The following SYT9 variants were observed in gnomAD, a reference collection of about 807,000 sequenced individuals.
SYT9 encodes the protein synaptotagmin 9.
A neutral mutation model predicts 48.4 loss-of-function variants in SYT9; 22 were observed. The ratio of observed to expected loss-of-function variants is 0.45; its 90% CI spans 0.32 to 0.65. The LOEUF is 0.65. Ranked by LOEUF, SYT9 falls within the 30% of genes least tolerant of loss-of-function variation. SYT9 has a pLI of 0.03. For missense variants in SYT9, 577 were observed against 622.0 expected (o/e 0.93, Z 0.77); for synonymous variants, 265 against 245.0 (o/e 1.08, Z -0.76).
At chr11:7,378,549 T>A (rs1356050731) in intron 3 of SYT9, among the ~76,000 whole-genome samples, 1 of 151,472 alleles carries the variant, frequency 6.6e-6, no homozygotes, top group Non-Finnish European at 1.5e-5. Context: ...GTAATTGTGA[T>A]GGAGGAACAG....
intron 6 of SYT9, among the ~76,000 whole-genome samples, chr11:7,453,434 G>A (rs1325087442): frequency 6.6e-6 from 1 of 152,146 alleles, no homozygotes; most frequent in Non-Finnish European, 1.5e-5. Flanking sequence ...TGTTTACTGA[G>A]CCCCGCCATA....
At chr11:7,417,031 T>A (rs946236150) in intron 4 of SYT9, among the ~76,000 whole-genome samples, 7 of 152,200 alleles carry the variant, frequency 4.6e-5, no homozygotes, top group African/African-American at 1.7e-4. Context: ...CATTGCTAAC[T>A]GTGCAAATTC....
intron 3 of SYT9, among the ~76,000 whole-genome samples, chr11:7,408,027 T>C (rs187211978): frequency 3.9e-5 from 6 of 152,356 alleles, no homozygotes; most frequent in African/African-American, 1.4e-4. Context: ...TTTGGTATTA[T>C]ACACATTGTA....
chr11:7,380,340 TA>T (rs1451245260), intron 3 of SYT9, among the ~76,000 whole-genome samples: 1 of 152,020 alleles, frequency 6.6e-6, no homozygotes, highest in Non-Finnish European at 1.5e-5. Context: ...ACAAAAAAAT[TA>T]GAATGAATAA....
intron 1 of SYT9, among the ~76,000 whole-genome samples, chr11:7,246,516 C>A (rs899307938): frequency 1.3e-5 from 2 of 152,160 alleles, no homozygotes; most frequent in Non-Finnish European, 2.9e-5. Flanking sequence ...TTTCCATGTA[C>A]TTTTTAATCC....
chr11:7,448,640 TTC>T (rs1425711889), intron 6 of SYT9, among the ~76,000 whole-genome samples: 16 of 152,242 alleles, frequency 1.1e-4, no homozygotes, highest in African/African-American at 3.9e-4. Flanking sequence ...TGGTGTGTGG[TTC>T]TGTTTTCCAG....
intron 3 of SYT9, among the ~76,000 whole-genome samples, chr11:7,405,695 A>G (rs1207606473): frequency 6.6e-6 from 1 of 152,202 alleles, no homozygotes; most frequent in Non-Finnish European, 1.5e-5. Flanking sequence ...AAAAATCTGG[A>G]TGATTATTCA....
intron 1 of SYT9, among the ~76,000 whole-genome samples, chr11:7,259,910 T>A (rs1848046105): frequency 6.6e-6 from 1 of 152,128 alleles, no homozygotes; most frequent in Non-Finnish European, 1.5e-5. Context: ...AGGGATTCGT[T>A]GTAACACTCT....
chr11:7,440,782 G>A (rs1466155708), intron 6 of SYT9: 1 of 152,206 alleles, frequency 6.6e-6, no homozygotes, highest in East Asian at 1.9e-4. Context: ...AATCATTCTA[G>A]CCATGAGTGC....
chr11:7,360,028 A>G (rs1415142286), intron 3 of SYT9, among the ~76,000 whole-genome samples: 1 of 151,810 alleles, frequency 6.6e-6, no homozygotes, highest in Non-Finnish European at 1.5e-5. Context: ...TGATTTTTGT[A>G]TAAGGTGTAA....
intron 1 of SYT9, among the ~76,000 whole-genome samples, chr11:7,301,270 G>A (rs1848914423): frequency 1.3e-5 from 2 of 152,182 alleles, no homozygotes; most frequent in South Asian, 4.1e-4. Context: ...AAGATTGATT[G>A]GGCGGCAAAG....
At chr11:7,446,216 G>A (rs1404977958) in intron 6 of SYT9, among the ~76,000 whole-genome samples, 2 of 152,222 alleles carry the variant, frequency 1.3e-5, no homozygotes, top group East Asian at 3.9e-4. Flanking sequence ...GGAATATCAA[G>A]TCTCTATGTT....
intron 6 of SYT9, among the ~76,000 whole-genome samples, chr11:7,432,578 AAAAAATATATATACATATAT>A (rs1847615768): frequency 2.5e-3 from 23 of 9,040 alleles, no homozygotes; most frequent in African/African-American, 4.2e-3. Flanking sequence ...AAAAAAAAAA[AAAAAATATATATACATATAT>A]ATATATATAT....
intron 3 of SYT9, among the ~76,000 whole-genome samples, chr11:7,321,404 A>G (rs1422712323): frequency 6.6e-6 from 1 of 152,210 alleles, no homozygotes; most frequent in Non-Finnish European, 1.5e-5. Context: ...GGAAGTCCAG[A>G]GTGCTTGCTC....
rs891355329 is a variant in SYT9 at position 7,420,405 on chromosome 11, CAAAA to C, written c.1338-98_1338-95del. On this transcript the variant is annotated intron_variant, in intron 5 of 6. Coordinates refer to ENST00000318881, the MANE Select transcript of SYT9 (RefSeq NM_175733.4). The stretch of plus-strand genomic sequence containing the variant: ...ATGAAAAAACAAACAAACAAACAAA[CAAAA>C]AACCACATCCCCAATTCCTTCATCA... 2.7e-6 allele frequency: 4 copies of C among 1,456,768 alleles called. No individual in the cohort carries two copies. In the African/African-American group the frequency reaches 4.3e-5, roughly 16 times the overall value. 90.2% of individuals were successfully genotyped at this position (1,456,768 alleles called of 1,614,324 possible).
intron 1 of SYT9, among the ~76,000 whole-genome samples, chr11:7,276,178 AC>A (rs1331502767): frequency 6.6e-6 from 1 of 152,050 alleles, no homozygotes; most frequent in African/African-American, 2.4e-5. Context: ...AACTTCTTTT[AC>A]CATCACCACA....
At chr11:7,344,107 G>T (rs1036107540) in intron 3 of SYT9, among the ~76,000 whole-genome samples, 3 of 152,160 alleles carry the variant, frequency 2.0e-5, no homozygotes, top group African/African-American at 7.2e-5. Flanking sequence ...TATGGCAGAA[G>T]AGGGGAAGAG....
chr11:7,391,593 C>G (rs1233820282), intron 3 of SYT9, among the ~76,000 whole-genome samples: 2 of 151,704 alleles, frequency 1.3e-5, no homozygotes, highest in African/African-American at 2.4e-5. Flanking sequence ...GCTTATATGT[C>G]TTATTTTGAG....
Position 7,313,516 on chromosome 11 carries a change from T to A in SYT9, c.619T>A (p.Ser207Thr). The A allele has an allele frequency of 6.2e-7, 1 of 1,613,974 alleles. No individual in the cohort carries two copies. The highest frequency in any genetic ancestry group is 8.5e-7 in the Non-Finnish European group (1 of 1,179,968). ...TAAACCAGAGTTATATAAGCAGAGGTCATTGGATAATGATGACGGGAGACG... is the reference window on the plus strand; with the variant it reads ...TAAACCAGAGTTATATAAGCAGAGGACATTGGATAATGATGACGGGAGACG... Reference protein sequence around the residue: ...RIKPELYKQRSLDNDDGRRSN... With the variant: ...RIKPELYKQRTLDNDDGRRSN... The change falls in exon 3 of 7, where the codon TCA (serine) becomes ACA (threonine). Residue 207 changes from serine to threonine, a missense_variant. Coordinates refer to ENST00000318881, the MANE Select transcript of SYT9 (RefSeq NM_175733.4).
Sources: gnomAD v4.1 joint callset for allele counts (sites outside exome capture counted in the v4.1 genomes callset) on GRCh38, gnomAD v4.1.1 for gene constraint, MANE v1.5 for transcripts, NCBI Gene and HGNC (gene_info 2026-07-23, HGNC 2026-07-21) for gene names.